The following LRRTM4 variants were observed in gnomAD, a reference collection of about 807,000 sequenced individuals.
The protein encoded by LRRTM4 is leucine rich repeat transmembrane neuronal 4, also known as leucine-rich repeat transmembrane neuronal protein 4.
In LRRTM4, 25 loss-of-function variants were observed where a neutral mutation model predicts 47.6. The ratio of observed to expected loss-of-function variants is 0.53; its 90% CI spans 0.38 to 0.73. The LOEUF is 0.73. Among genes scored for constraint, LRRTM4 ranks in the 30% least tolerant of loss-of-function variants. The pLI is 0.00. For missense variants in LRRTM4, 638 were observed against 713.4 expected, an observed-to-expected ratio of 0.89 and a Z score of 1.20; for synonymous variants, 311 against 269.5, an observed-to-expected ratio of 1.15 and a Z score of -1.51.
chr2:76,793,526 C>A (rs192102245), intron 3 of LRRTM4, among the ~76,000 whole-genome samples: 1 of 151,886 alleles, frequency 6.6e-6, no homozygotes, highest in African/African-American at 2.4e-5. Context: ...ATCTAGGCAT[C>A]AAAGAGCTAC....
At chr2:76,966,705 A>T (rs1415266008) in intron 3 of LRRTM4, among the ~76,000 whole-genome samples, 3 of 151,472 alleles carry the variant, frequency 2.0e-5, no homozygotes, top group Non-Finnish European at 3.0e-5. Context: ...TCCCAAAAAT[A>T]CTAGTGTCAT....
chr2:77,095,584 C>T (rs1670788612), intron 3 of LRRTM4, among the ~76,000 whole-genome samples: 1 of 151,238 alleles, frequency 6.6e-6, no homozygotes, highest in South Asian at 2.1e-4. Flanking sequence ...TGGCTCACTG[C>T]AACCTCCCCC....
chr2:76,974,188 A>T (rs1676325126), intron 3 of LRRTM4, among the ~76,000 whole-genome samples: 1 of 109,738 alleles, frequency 9.1e-6, no homozygotes, highest in Non-Finnish European at 1.6e-5. Context: ...ATATACATAC[A>T]TATATATACA....
At chr2:77,170,499 A>C (rs2103832119) in intron 3 of LRRTM4, among the ~76,000 whole-genome samples, 1 of 152,274 alleles carries the variant, frequency 6.6e-6, no homozygotes, top group South Asian at 2.1e-4. Flanking sequence ...GTCTAGAGAA[A>C]CCTGGGTGAG....
chr2:77,280,363 G>A (rs534292833), intron 3 of LRRTM4, among the ~76,000 whole-genome samples: 59 of 152,060 alleles, frequency 3.9e-4, no homozygotes, highest in Middle Eastern at 3.4e-3. Flanking sequence ...AAATGTAAGA[G>A]AATAAATTTG....
rs559936672 is a variant in LRRTM4, at chr2:76,772,608, T to C, written c.1552-23692A>G. Among the ~76,000 whole-genome samples the C allele has an allele frequency of 8.5e-5, 13 of 152,286 alleles. No homozygotes were observed. The South Asian group carries it at 1.7e-3, about 19-fold the overall frequency. On this transcript the variant is annotated intron_variant, in intron 3 of 3. Transcript: ENST00000409884. ...GGCCTATAAGCCCCTGACCTCCATT[T>C]AAAGGGGCATTAACTTAGAAAACTT...
chr2:76,945,915 A>C (rs1050432828), intron 3 of LRRTM4, among the ~76,000 whole-genome samples: 16 of 152,014 alleles, frequency 1.1e-4, no homozygotes, highest in African/African-American at 3.9e-4. Context: ...AAATCTGTAT[A>C]TCCCTTCTCA....
At chr2:76,905,434 C>G (rs552146674) in intron 3 of LRRTM4, among the ~76,000 whole-genome samples, 3 of 152,242 alleles carry the variant, frequency 2.0e-5, no homozygotes, top group East Asian at 1.9e-4. Context: ...ACTCTAAAAA[C>G]CAGAGCACCT....
chr2:77,395,859 A>G (rs1673680926), intron 3 of LRRTM4, among the ~76,000 whole-genome samples: 1 of 151,998 alleles, frequency 6.6e-6, no homozygotes, highest in Non-Finnish European at 1.5e-5. Flanking sequence ...TTTCAGTATT[A>G]CATCAGCTAC....
intron 3 of LRRTM4, among the ~76,000 whole-genome samples, chr2:77,329,701 C>T (rs1258589338): frequency 1.3e-5 from 2 of 152,052 alleles, no homozygotes; most frequent in Admixed American, 6.6e-5. Flanking sequence ...AAATGCCTGC[C>T]ACCAGCAGGA....
intron 3 of LRRTM4, among the ~76,000 whole-genome samples, chr2:77,360,492 G>A (rs1672155400): frequency 7.1e-6 from 1 of 141,378 alleles, no homozygotes; most frequent in Non-Finnish European, 1.5e-5. Context: ...GATACGATAC[G>A]ATACGATACG....
intron 3 of LRRTM4, among the ~76,000 whole-genome samples, chr2:76,970,794 G>C (rs922874140): frequency 1.3e-5 from 2 of 152,106 alleles, no homozygotes; most frequent in East Asian, 3.9e-4. Flanking sequence ...TGACCAGTAC[G>C]TTTTGTTTAG....
chr2:77,187,298 T>G (rs1422025537), intron 3 of LRRTM4, among the ~76,000 whole-genome samples: 1 of 152,142 alleles, frequency 6.6e-6, no homozygotes, highest in Non-Finnish European at 1.5e-5. Context: ...TTGGCCTCTT[T>G]GCCTGCCTTA....
chr2:76,786,220 C>G (rs1338214309), intron 3 of LRRTM4, among the ~76,000 whole-genome samples: 1 of 151,956 alleles, frequency 6.6e-6, no homozygotes. Flanking sequence ...CCAAATGAAC[C>G]ATGAACGATT....
At chr2:77,393,932 AT>A (rs1171897773) in intron 3 of LRRTM4, among the ~76,000 whole-genome samples, 2 of 152,018 alleles carry the variant, frequency 1.3e-5, no homozygotes, top group African/African-American at 4.8e-5. Flanking sequence ...AAACAAAATA[AT>A]TTGTTAGTAT....
In LRRTM4 at chr2:77,169,942, C is replaced by T. The variant is rs547136529; in HGVS notation, c.1551+348376G>A. ...TTGTTGCTGCTATCACTCATGGTTA[C>T]GTATTTGTTATGTCTGTTTGCAACT... is the stretch of plus-strand genomic sequence containing the variant. On this transcript the variant is annotated intron_variant, in intron 3 of 3. Transcript: ENST00000409884. 7.2e-5 allele frequency among the ~76,000 whole-genome samples: 11 copies of T among 152,142 alleles called. No individual in the cohort carries two copies. The South Asian group carries it at 1.2e-3, about 17-fold the overall frequency.
At chr2:77,131,285 CCATTTGAGACGA>C in intron 3 of LRRTM4, among the ~76,000 whole-genome samples, 1 of 152,070 alleles carries the variant, frequency 6.6e-6, no homozygotes, top group East Asian at 1.9e-4. Context: ...AGTGTTATTC[CCATTTGAGACGA>C]GAGACTAAAC....
chr2:77,454,855 A>C (rs879434521), intron 3 of LRRTM4, among the ~76,000 whole-genome samples: 4 of 151,974 alleles, frequency 2.6e-5, no homozygotes, highest in Non-Finnish European at 5.9e-5. Flanking sequence ...TTTCTTTGTA[A>C]TCTAAAAGCT....
intron 3 of LRRTM4, among the ~76,000 whole-genome samples, chr2:77,325,073 A>T (rs1186791810): frequency 2.0e-5 from 3 of 152,070 alleles, no homozygotes; most frequent in Admixed American, 2.0e-4. Flanking sequence ...TTGGCTCACA[A>T]TTTCTCCTTT....
Sources: allele counts gnomAD v4.1 joint callset (sites outside exome capture counted in the v4.1 genomes callset), GRCh38; gene constraint gnomAD v4.1.1; transcripts MANE v1.5; gene names NCBI Gene and HGNC (gene_info 2026-07-23, HGNC 2026-07-21).